Variants in MDGA2 observed in about 807,000 individuals in gnomAD.
MDGA2 encodes the protein MAM domain containing glycosylphosphatidylinositol anchor 2, also known as MAM domain-containing glycosylphosphatidylinositol anchor protein 2.
A neutral mutation model predicts 117.8 loss-of-function variants in MDGA2; 40 were observed. The ratio of observed to expected loss-of-function variants is 0.34; its 90% confidence interval spans 0.26 to 0.44. The LOEUF is 0.44. Ranked by LOEUF, MDGA2 falls within the 20% of genes least tolerant of loss-of-function variation. The probability of loss-of-function intolerance (pLI) is 1.00; values close to 1 mark genes in which losing one functional copy is unlikely to be tolerated. For synonymous variants in MDGA2, 452 were observed against 439.0 expected, an observed-to-expected ratio of 1.03 and a Z score of -0.37; for missense variants, 1,123 against 1,250.6, an observed-to-expected ratio of 0.90 and a Z score of 1.54.
At chr14:47,198,401 T>C (rs1885366630) in intron 3 of MDGA2, among the ~76,000 whole-genome samples, 1 of 152,038 alleles carries the variant, frequency 6.6e-6, no homozygotes, top group Non-Finnish European at 1.5e-5. Flanking sequence ...TGAAACCCCG[T>C]CTCTACTAAA....
chr14:47,464,870 C>CAAACA (rs572464318), intron 1 of MDGA2, among the ~76,000 whole-genome samples: 4 of 151,806 alleles, frequency 2.6e-5, no homozygotes, highest in East Asian at 3.9e-4. Flanking sequence ...CAATCCTAAG[C>CAAACA]AAACAAAACA....
chr14:47,589,657 A>G (rs939690887), intron 1 of MDGA2, among the ~76,000 whole-genome samples: 2 of 151,912 alleles, frequency 1.3e-5, no homozygotes, highest in East Asian at 1.9e-4. Flanking sequence ...GGGTCCTTCA[A>G]ATTTTCATTT....
chr14:47,433,711 A>G (rs915492524), intron 1 of MDGA2, among the ~76,000 whole-genome samples: 1 of 152,292 alleles, frequency 6.6e-6, no homozygotes, highest in East Asian at 1.9e-4. Context: ...AAAGCTGTAG[A>G]CTTCAATTTG....
chr14:47,541,767 C>T (rs1895356978), intron 1 of MDGA2, among the ~76,000 whole-genome samples: 1 of 152,190 alleles, frequency 6.6e-6, no homozygotes, highest in East Asian at 1.9e-4. Context: ...CTGGAAACCA[C>T]TCCATTTTAT....
At chr14:47,149,700 C>G (rs1203751227) in intron 3 of MDGA2, among the ~76,000 whole-genome samples, 1 of 152,142 alleles carries the variant, frequency 6.6e-6, no homozygotes, top group Non-Finnish European at 1.5e-5. Context: ...ATTGCTTTCC[C>G]CAAGCTTCCA....
intron 1 of MDGA2, among the ~76,000 whole-genome samples, chr14:47,396,594 C>A (rs1481847921): frequency 6.6e-6 from 1 of 152,018 alleles, no homozygotes; most frequent in Admixed American, 6.6e-5. Context: ...ATCCATCTGA[C>A]AAAGGGTTAA....
chr14:47,331,092 G>A (rs984459637), intron 1 of MDGA2, among the ~76,000 whole-genome samples: 2 of 151,636 alleles, frequency 1.3e-5, no homozygotes, highest in African/African-American at 2.4e-5. Context: ...TGAAAATTTT[G>A]TAAATTGCTG....
chr14:47,299,888 T>G (rs1310040338), intron 2 of MDGA2, among the ~76,000 whole-genome samples: 1 of 152,224 alleles, frequency 6.6e-6, no homozygotes, highest in Non-Finnish European at 1.5e-5. Context: ...ACTTTGAAAT[T>G]TTAGTTATCG....
intron 1 of MDGA2, among the ~76,000 whole-genome samples, chr14:47,590,128 C>G (rs1036687520): frequency 2.6e-5 from 4 of 151,504 alleles, no homozygotes; most frequent in African/African-American, 9.7e-5. Flanking sequence ...AGCATGTTGT[C>G]TATTTACAGA....
chr14:47,209,465 G>T (rs1252472453), intron 3 of MDGA2, among the ~76,000 whole-genome samples: 3 of 152,148 alleles, frequency 2.0e-5, no homozygotes, highest in African/African-American at 7.2e-5. Context: ...CCATTCTGAT[G>T]ATGTATTTGT....
chr14:47,179,372 TAGC>T (rs1884607159), intron 3 of MDGA2, among the ~76,000 whole-genome samples: 1 of 152,102 alleles, frequency 6.6e-6, no homozygotes, highest in Non-Finnish European at 1.5e-5. Flanking sequence ...CGTTCTACTG[TAGC>T]TTAATATTTA....
At chr14:47,445,144 A>T (rs748966740) in intron 1 of MDGA2, among the ~76,000 whole-genome samples, 4 of 152,080 alleles carry the variant, frequency 2.6e-5, no homozygotes, top group Non-Finnish European at 5.9e-5. Flanking sequence ...GAAAACACTG[A>T]TCCTGGTTGT....
chr14:47,184,071 A>G (rs372213864), intron 3 of MDGA2, among the ~76,000 whole-genome samples: 4 of 151,938 alleles, frequency 2.6e-5, no homozygotes, highest in South Asian at 2.1e-4. Flanking sequence ...TTCACTATAT[A>G]TAATAAATAA....
chr14:47,335,753 C>CATACATAT (rs1890435706), intron 1 of MDGA2, among the ~76,000 whole-genome samples: 1 of 48,312 alleles, frequency 2.1e-5, no homozygotes, highest in African/African-American at 7.9e-5. Flanking sequence ...TATATACATA[C>CATACATAT]ATACATACAG....
chr14:47,322,869 G>A (rs1214627508), intron 1 of MDGA2, among the ~76,000 whole-genome samples: 3 of 151,758 alleles, frequency 2.0e-5, no homozygotes, highest in Non-Finnish European at 2.9e-5. Context: ...ATCTGCTAAC[G>A]TAAACCTCCC....
chr14:47,096,772 G>C, intron 6 of MDGA2, 82 bp downstream of exon 6: 1 of 1,338,402 alleles, frequency 7.5e-7, no homozygotes. Context: ...TATTTGAGGA[G>C]GTAATTTTAT....
At chr14:46,984,657 T>C (rs1886801261) in intron 8 of MDGA2, among the ~76,000 whole-genome samples, 1 of 152,034 alleles carries the variant, frequency 6.6e-6, no homozygotes, top group East Asian at 1.9e-4. Flanking sequence ...CTACAGTTTG[T>C]CCTTAACTAT....
intron 1 of MDGA2, among the ~76,000 whole-genome samples, chr14:47,311,655 T>G (rs1657877550): frequency 6.6e-6 from 1 of 152,260 alleles, no homozygotes; most frequent in Non-Finnish European, 1.5e-5. Context: ...GACTGTAAAC[T>G]TAGTAAATAT....
chr14:46,950,196 ACTTACATTTT>A (rs1885319814), intron 9 of MDGA2, among the ~76,000 whole-genome samples: 6 of 151,946 alleles, frequency 3.9e-5, no homozygotes, highest in African/African-American at 1.4e-4. Flanking sequence ...ATTAAGTGAT[ACTTACATTTT>A]TATTCCTAAT....
Sources: allele counts gnomAD v4.1 joint callset (sites outside exome capture counted in the v4.1 genomes callset), GRCh38; gene constraint gnomAD v4.1.1; transcripts MANE v1.5; gene names NCBI Gene and HGNC (gene_info 2026-07-23, HGNC 2026-07-21).